Variants in MAGIX observed in about 807,000 individuals in gnomAD.
The protein encoded by MAGIX is MAGI family member, X-linked, also known as PDZ domain-containing protein MAGIX.
Under a neutral mutation model 10.0 loss-of-function variants are expected in MAGIX, and 13 were observed. The ratio of observed to expected loss-of-function variants is 1.30; its 90% CI spans 0.84 to 2.06. The LOEUF is 2.06. MAGIX is among the 30% of genes most tolerant of loss of function. The pLI, the probability that MAGIX is intolerant of heterozygous loss-of-function variation, is 0.00. For missense variants in MAGIX, 235 were observed against 245.2 expected, an observed-to-expected ratio of 0.96 and a Z score of 0.28; for synonymous variants, 108 against 106.8, an observed-to-expected ratio of 1.01 and a Z score of -0.07.
chrX:49,166,776 C>A, exon 5 of MAGIX: 2 of 158,481 alleles, frequency 1.3e-5, no homozygotes, highest in Non-Finnish European at 2.4e-5. Context: ...TTGCTTCTGC[C>A]GGTCCTCAGT....
exon 5 of MAGIX, chrX:49,166,213 A>C (rs1320096443): frequency 8.3e-7 from 1 of 1,204,903 alleles, no homozygotes; most frequent in East Asian, 3.0e-5. Flanking sequence ...AGCCTAGTCC[A>C]GAGGCGGCCG....
rs782517331 is a variant in MAGIX at position 49,164,802 on chromosome X, C to A, written c.42C>A (p.Ile14=). ...TCACCGGCCCCAGGTACCATCTCAT[C>A]CTTCTATCGGAGGCCTCCTGCCTCA... The change falls in exon 3 of 5, where the codon ATC becomes ATA. Residue 14 remains isoleucine, a synonymous_variant. Coordinates refer to ENST00000616266, the Ensembl canonical transcript of MAGIX. 8.3e-7 allele frequency: 1 copy of A among 1,210,832 alleles called. No individual in the cohort carries two copies. Among genetic ancestry groups the A allele is most frequent in the Non-Finnish European group, 1.1e-6 (1 of 894,258 alleles).
intron 2 of MAGIX, 129 bp from the exon 3 acceptor site, chrX:49,164,578 G>C: frequency 1.7e-6 from 1 of 577,153 alleles, no homozygotes; most frequent in Non-Finnish European, 3.0e-6. Context: ...TAAATGGTGG[G>C]CCAGTTTGTA....
exon 4 of MAGIX, chrX:49,165,329 C>T (rs1557097614): frequency 1.7e-6 from 2 of 1,178,539 alleles, no homozygotes; most frequent in Non-Finnish European, 1.1e-6. Flanking sequence ...CCTGGCAAGC[C>T]TCGAGGGGTG....
intron 1 of MAGIX, chrX:49,162,924 G>A (rs782184562): frequency 2.4e-5 from 19 of 786,413 alleles, no homozygotes; most frequent in Non-Finnish European, 2.9e-5. Context: ...GCGGACCCTA[G>A]GGGGAGCAGA....
exon 5 of MAGIX, chrX:49,166,945 C>T (rs1242420776): frequency 8.8e-6 from 1 of 113,359 alleles, no homozygotes; most frequent in Non-Finnish European, 1.9e-5. Context: ...CCAGTGTATC[C>T]ACAGTCCTGT....
exon 2 of MAGIX, chrX:49,163,846 G>A: frequency 9.6e-7 from 1 of 1,037,466 alleles, no homozygotes; most frequent in Non-Finnish European, 1.2e-6. Context: ...TTGGACGCGC[G>A]CCCCCTGGCG....
exon 3 of MAGIX, chrX:49,165,035 T>G: frequency 8.3e-7 from 1 of 1,210,343 alleles, no homozygotes; most frequent in Non-Finnish European, 1.1e-6. Context: ...GACACTCCGC[T>G]GGCCGTGCGC....
At chrX:49,165,898 T>G in intron 4 of MAGIX, 176 bp from the exon 6 acceptor site, 1 of 435,490 alleles carries the variant, frequency 2.3e-6, no homozygotes, top group Non-Finnish European at 4.0e-6. Flanking sequence ...AGGGGAGGGG[T>G]CTCGGGAAAG....
chrX:49,162,905 G>A, intron 1 of MAGIX: 1 of 888,996 alleles, frequency 1.1e-6, no homozygotes, highest in Non-Finnish European at 1.5e-6. Flanking sequence ...GCCGCGCACA[G>A]GGGACGCCGC....
chrX:49,164,158 G>A, intron 2 of MAGIX: 2 of 297,162 alleles, frequency 6.7e-6, no homozygotes, highest in Non-Finnish European at 1.2e-5. Context: ...ATGAGAGTGC[G>A]GAACTGGACC....
At chrX:49,164,682 C>T in intron 2 of MAGIX, 25 bp from the exon 3 acceptor site, 2 of 1,185,857 alleles carry the variant, frequency 1.7e-6, no homozygotes, top group Non-Finnish European at 2.3e-6. Flanking sequence ...CCCCAACAGC[C>T]CTCTCCACTG....
chrX:49,164,670 T>TC, intron 2 of MAGIX, 37 bp from the exon 3 acceptor site: 1 of 1,141,437 alleles, frequency 8.8e-7, no homozygotes, highest in Non-Finnish European at 1.2e-6. Flanking sequence ...CCATGGCATG[T>TC]CCCCCAACAG....
chrX:49,164,270 T>G, intron 2 of MAGIX: 2 of 245,266 alleles, frequency 8.2e-6, no homozygotes, highest in Non-Finnish European at 1.4e-5. Context: ...GTCACGGGGG[T>G]GGAGCCTATA....
At chrX:49,164,463 A>G (rs2065352222) in intron 2 of MAGIX, 2 of 455,824 alleles carry the variant, frequency 4.4e-6, no homozygotes, top group Admixed American at 3.6e-5. Flanking sequence ...GGCCTGGAAG[A>G]TTATTCACAT....
chrX:49,168,740 C>G (rs1218182835), downstream of MAGIX, among the ~76,000 whole-genome samples: 2 of 83,222 alleles, frequency 2.4e-5, no homozygotes, highest in Non-Finnish European at 4.4e-5. Flanking sequence ...TTGCACCATT[C>G]CACTCTAGCT....
chrX:49,164,926 C>T (rs1435795021), exon 3 of MAGIX: 1 of 1,211,060 alleles, frequency 8.3e-7, no homozygotes, highest in Non-Finnish European at 1.1e-6. Context: ...ACGTAGTGCT[C>T]CGAAGCCATC....
rs782342413 is a variant in MAGIX at position 49,165,991 on chromosome X, C to T, written c.503-83C>T. 1.0e-5 allele frequency: 10 copies of T among 983,066 alleles called. No homozygotes were observed. The East Asian group carries it at 2.8e-4, about 28-fold the overall frequency. 81.0% of individuals were successfully genotyped at this position (983,066 alleles called of 1,213,427 possible). ...CTCTAAGGGTCAGGGTCTCATCTCC[C>T]GCAGCCTTTGGGTTCTCCTGTCCAT... On this transcript the variant is annotated intron_variant, in intron 4 of 4. Transcript: ENST00000616266.
chrX:49,164,093 G>T, intron 2 of MAGIX, 164 bp downstream of exon 2: 1 of 423,508 alleles, frequency 2.4e-6, no homozygotes, highest in South Asian at 9.6e-5. Context: ...AGGAGCCTTG[G>T]GGTTATTCTA....
Sources: allele counts gnomAD v4.1 joint callset (sites outside exome capture counted in the v4.1 genomes callset), GRCh38; gene constraint gnomAD v4.1.1; transcripts MANE v1.5; gene names NCBI Gene and HGNC (gene_info 2026-07-23, HGNC 2026-07-21).